The following GNAQ variants were observed in gnomAD, a reference collection of about 807,000 sequenced individuals.
GNAQ encodes guanine nucleotide-binding protein G(q) subunit alpha.
Under a neutral mutation model 43.9 loss-of-function variants are expected in GNAQ, and 8 were observed. The ratio of observed to expected loss-of-function variants is 0.18; its 90% CI spans 0.11 to 0.33. The LOEUF is 0.33. Ranked by LOEUF, GNAQ falls within the 10% of genes least tolerant of loss-of-function variation. The probability of loss-of-function intolerance (pLI) is 1.00; values close to 1 mark genes in which losing one functional copy is unlikely to be tolerated. For synonymous variants in GNAQ, 155 were observed against 170.7 expected, an observed-to-expected ratio of 0.91 and a Z score of 0.71; for missense variants, 158 against 450.8, an observed-to-expected ratio of 0.35 and a Z score of 5.88.
intron 1 of GNAQ, among the ~76,000 whole-genome samples, chr9:77,958,317 C>T (rs969007403): frequency 6.6e-6 from 1 of 151,930 alleles, no homozygotes; most frequent in East Asian, 1.9e-4. Context: ...TCCATTGTAT[C>T]CTATTGGCAA....
At chr9:77,741,067 A>AT (rs1236789733) in intron 5 of GNAQ, among the ~76,000 whole-genome samples, 5 of 152,300 alleles carry the variant, frequency 3.3e-5, no homozygotes, top group Admixed American at 6.5e-5. Flanking sequence ...TCTTACTTTG[A>AT]TTTTTTTCAA....
chr9:77,829,001 G>A (rs964115785), intron 2 of GNAQ, among the ~76,000 whole-genome samples: 1 of 152,302 alleles, frequency 6.6e-6, no homozygotes, highest in Admixed American at 6.5e-5. Context: ...GACTTTCCTC[G>A]TCATGCCTCA....
At chr9:77,982,104 A>G (rs1314857482) in intron 1 of GNAQ, among the ~76,000 whole-genome samples, 3 of 152,226 alleles carry the variant, frequency 2.0e-5, no homozygotes, top group African/African-American at 7.2e-5. Flanking sequence ...TTCTTAGCAC[A>G]GAAAGATTAT....
At chr9:77,793,715 A>G (rs1826612988) in intron 5 of GNAQ, among the ~76,000 whole-genome samples, 1 of 152,086 alleles carries the variant, frequency 6.6e-6, no homozygotes, top group Non-Finnish European at 1.5e-5. Context: ...ACACATACAC[A>G]TGCACACAAC....
At chr9:77,848,418 A>G (rs567203235) in intron 2 of GNAQ, among the ~76,000 whole-genome samples, 1 of 152,318 alleles carries the variant, frequency 6.6e-6, no homozygotes, top group East Asian at 1.9e-4. Flanking sequence ...CTATTTCACT[A>G]GAGTCTTAGG....
At chr9:77,926,619 C>T (rs1829076326) in intron 1 of GNAQ, among the ~76,000 whole-genome samples, 1 of 152,106 alleles carries the variant, frequency 6.6e-6, no homozygotes, top group African/African-American at 2.4e-5. Context: ...CTCATTTTTG[C>T]TAATTTAAAT....
intron 2 of GNAQ, among the ~76,000 whole-genome samples, chr9:77,897,625 C>T (rs893965322): frequency 6.6e-6 from 1 of 152,154 alleles, no homozygotes; most frequent in African/African-American, 2.4e-5. Context: ...GGCAAAACTT[C>T]GGGTGGGGGT....
intron 1 of GNAQ, among the ~76,000 whole-genome samples, chr9:78,006,751 C>A (rs911398806): frequency 5.3e-5 from 8 of 152,170 alleles, no homozygotes; most frequent in African/African-American, 1.9e-4. Context: ...GAGTTTGAGA[C>A]TTCTAACTCA....
intron 2 of GNAQ, among the ~76,000 whole-genome samples, chr9:77,897,645 G>A (rs554189484): frequency 1.3e-3 from 198 of 152,250 alleles, no homozygotes; most frequent in South Asian, 3.9e-3. Flanking sequence ...TGTCCCCTGA[G>A]ATTCTCATTA....
rs1825432996 is a variant in GNAQ at position 77,728,398 on chromosome 9, C to T, written c.889+116G>A. On this transcript the variant is annotated intron_variant, in intron 6 of 6. Transcript: ENST00000286548. ...TTCCTACTGTATCAGTTTCAACACG[C>T]AGGCTGCACAGGGCAAGGGCAGCAA... is the stretch of plus-strand genomic sequence containing the variant. The T allele has an allele frequency of 2.2e-5, 16 of 733,144 alleles. 1 individual carries two copies. The South Asian group carries it at 2.5e-4, about 11-fold the overall frequency. 45.4% of individuals were successfully genotyped at this position (733,144 alleles called of 1,614,324 possible).
At chr9:77,824,722 T>A (rs1277632930) in intron 2 of GNAQ, among the ~76,000 whole-genome samples, 2 of 152,208 alleles carry the variant, frequency 1.3e-5, no homozygotes, top group Non-Finnish European at 2.9e-5. Flanking sequence ...ATGTTGGATA[T>A]TTCACTTTAT....
chr9:78,022,391 C>G (rs1328023175), intron 1 of GNAQ, among the ~76,000 whole-genome samples: 1 of 152,078 alleles, frequency 6.6e-6, no homozygotes, highest in Non-Finnish European at 1.5e-5. Flanking sequence ...ATCAAAATAC[C>G]CTGAGGTTAG....
In GNAQ at chr9:78,031,410, C is replaced by T. The variant is rs1797682348; in HGVS notation, c.-175G>A. 1 of 240,752 alleles carries T rather than the reference C, an allele frequency of 4.2e-6. No individual in the cohort carries two copies. The highest frequency in any genetic ancestry group is 7.7e-6 in the Non-Finnish European group (1 of 129,452). 14.9% of individuals were successfully genotyped at this position (240,752 alleles called of 1,614,324 possible). On this transcript the variant is annotated 5_prime_UTR_variant, in exon 1 of 7. Coordinates refer to ENST00000286548, the MANE Select transcript of GNAQ (RefSeq NM_002072.5). Reference sequence around the variant, plus strand: ...GCGGGGGCGGCGGCCAGGGCCGGGGCCACCAGGTGGGCCGGGGGCGCGGTG... The same window carrying T: ...GCGGGGGCGGCGGCCAGGGCCGGGGTCACCAGGTGGGCCGGGGGCGCGGTG...
At chr9:78,009,765 A>C (rs1823751571) in intron 1 of GNAQ, among the ~76,000 whole-genome samples, 1 of 152,236 alleles carries the variant, frequency 6.6e-6, no homozygotes, top group Non-Finnish European at 1.5e-5. Context: ...TGATCTTGGA[A>C]GGATGTTCCC....
At chr9:78,029,028 C>T (rs189969253) in intron 1 of GNAQ, among the ~76,000 whole-genome samples, 52 of 152,326 alleles carry the variant, frequency 3.4e-4, no homozygotes, top group Admixed American at 7.8e-4. Flanking sequence ...AATTGGTTTA[C>T]ACTTTTTCTC....
intron 6 of GNAQ, among the ~76,000 whole-genome samples, chr9:77,723,020 C>T (rs1330608860): frequency 1.3e-5 from 2 of 152,094 alleles, no homozygotes; most frequent in African/African-American, 4.8e-5. Flanking sequence ...ATCTGATAGG[C>T]GTTTAGTGTC....
intron 2 of GNAQ, among the ~76,000 whole-genome samples, chr9:77,854,533 C>CT (rs1827720919): frequency 6.6e-6 from 1 of 152,204 alleles, no homozygotes; most frequent in East Asian, 1.9e-4. Flanking sequence ...CATGCTTACT[C>CT]TTTCTCTTTA....
chr9:77,822,931 T>G (rs1022472912), intron 2 of GNAQ, among the ~76,000 whole-genome samples: 1 of 151,340 alleles, frequency 6.6e-6, no homozygotes, highest in African/African-American at 2.4e-5. Flanking sequence ...CATTTAGAAG[T>G]TGTTTTTTTT....
At chr9:77,779,787 A>G (rs1048297970) in intron 5 of GNAQ, among the ~76,000 whole-genome samples, 1 of 151,848 alleles carries the variant, frequency 6.6e-6, no homozygotes, top group Non-Finnish European at 1.5e-5. Context: ...AAGGAACACT[A>G]GAAAAACTCT....
Sources: allele counts gnomAD v4.1 joint callset (sites outside exome capture counted in the v4.1 genomes callset), GRCh38; gene constraint gnomAD v4.1.1; transcripts MANE v1.5; gene names NCBI Gene and HGNC (gene_info 2026-07-23, HGNC 2026-07-21).